The following GNL3L variants were observed in gnomAD, a reference collection of about 807,000 sequenced individuals.
GNL3L encodes guanine nucleotide-binding protein-like 3-like protein.
Under a neutral mutation model 42.9 loss-of-function variants are expected in GNL3L, and 4 were observed. The observed-to-expected ratio is 0.09, with a 90% CI of 0.05 to 0.21. The LOEUF (loss-of-function observed/expected upper bound fraction) is 0.21, where lower values mean the gene tolerates loss of function less well. Among genes scored for constraint, GNL3L ranks in the 10% least tolerant of loss-of-function variants. The pLI, the probability that GNL3L is intolerant of heterozygous loss-of-function variation, is 1.00. For missense variants in GNL3L, 412 were observed against 481.7 expected (o/e 0.86, Z 1.36); for synonymous variants, 159 against 176.3 (o/e 0.90, Z 0.78).
chrX:54,606,998 T>TTCCTTTCTTTCTTTC (rs1569542564), intron 16 of GNL3L, among the ~76,000 whole-genome samples: 24 of 16,603 alleles, frequency 1.4e-3, no homozygotes, highest in East Asian at 4.2e-3. Flanking sequence ...TTCCTTTCCT[T>TTCCTTTCTTTCTTTC]TCTTTCTTTC....
At chrX:54,535,325 G>A (rs1188584177) in intron 2 of GNL3L, among the ~76,000 whole-genome samples, 1 of 110,889 alleles carries the variant, frequency 9.0e-6, no homozygotes, top group Admixed American at 9.7e-5. Context: ...CACCATGTTG[G>A]CCAGGCTGGT....
At position 54,566,324 on chromosome X, in the gene GNL3L, A is replaced by C. The variant is rs997954813; in HGVS notation, c.*5722A>C. ...CACACATATGTACCACATTTTCTTT[A>C]TCCAGTCTTTCGTTGATAGACATTT... On this transcript the variant is annotated 3_prime_UTR_variant, in exon 16 of 16. Coordinates refer to ENST00000360845, the MANE Select transcript of GNL3L (RefSeq NM_001184819.2). Among the ~76,000 whole-genome samples the C allele has an allele frequency of 2.7e-5, 3 of 111,756 alleles. No homozygotes were observed. Among genetic ancestry groups the C allele is most frequent in the African/African-American group, 9.8e-5 (3 of 30,698 alleles).
At position 54,541,258 on chromosome X, in the gene GNL3L, G is replaced by A; in HGVS notation, c.190-15G>A. On this transcript the variant is annotated splice_polypyrimidine_tract_variant and intron_variant, in intron 4 of 15. Transcript: ENST00000360845. ...ACCCAGTCAGCTCCAGTACCAGTGT[G>A]TGTTCACTTGTTAGGTTGAGGAGAT... 8.9e-7 allele frequency: 1 copy of A among 1,123,637 alleles called. No individual in the cohort carries two copies. Among genetic ancestry groups the A allele is most frequent in the Non-Finnish European group, 1.2e-6 (1 of 815,881 alleles). 92.6% of individuals were successfully genotyped at this position (1,123,637 alleles called of 1,213,427 possible). A position where few individuals can be genotyped will look rare whatever the true frequency, so the allele number is the denominator to read the frequency against.
At chrX:54,582,702 C>T (rs184210459) in intron 16 of GNL3L, among the ~76,000 whole-genome samples, 1 of 112,312 alleles carries the variant, frequency 8.9e-6, no homozygotes, top group Admixed American at 9.4e-5. Flanking sequence ...CCTGCCTCAG[C>T]TTCCCGAGTA....
chrX:54,615,352 A>T (rs1419534187), intron 16 of GNL3L, among the ~76,000 whole-genome samples: 1 of 111,769 alleles, frequency 8.9e-6, no homozygotes, highest in Non-Finnish European at 1.9e-5. Flanking sequence ...TCCACCTTTT[A>T]GCTATTGTGA....
At chrX:54,571,749 G>A (rs1289694618), downstream of GNL3L, among the ~76,000 whole-genome samples, 1 of 108,952 alleles carries the variant, frequency 9.2e-6, no homozygotes, top group African/African-American at 3.3e-5. Flanking sequence ...TTTCTTTTAT[G>A]TTTTTCTGCT....
chrX:54,626,865 AT>A, the GNL3L span, among the ~76,000 whole-genome samples: 1 of 109,654 alleles, frequency 9.1e-6, no homozygotes. Context: ...GGATTATTTG[AT>A]TTTTTTTGCT....
At chrX:54,558,029 G>A (rs1376159720) in intron 14 of GNL3L, among the ~76,000 whole-genome samples, 1 of 110,614 alleles carries the variant, frequency 9.0e-6, no homozygotes, top group Non-Finnish European at 1.9e-5. Flanking sequence ...GACTACAGGC[G>A]TGTGCCACCA....
rs1925455910 is a variant in GNL3L, at chrX:54,567,196, G to T, written c.*6594G>T. Reference sequence around the variant, plus strand: ...GCTAAAACTTTGCTAAAGTCACTTAGTTCTAGTAGCTTTTTTTGCAGATTT... The same window carrying T: ...GCTAAAACTTTGCTAAAGTCACTTATTTCTAGTAGCTTTTTTTGCAGATTT... On this transcript the variant is annotated 3_prime_UTR_variant, in exon 16 of 16. Transcript: ENST00000360845. 8.9e-6 allele frequency among the ~76,000 whole-genome samples: 1 copy of T among 112,018 alleles called. No homozygotes were observed. Among genetic ancestry groups the T allele is most frequent in the Non-Finnish European group, 1.9e-5 (1 of 53,228 alleles).
the GNL3L span, among the ~76,000 whole-genome samples, chrX:54,634,539 CG>C: frequency 9.1e-6 from 1 of 110,337 alleles, no homozygotes; most frequent in Non-Finnish European, 1.9e-5. Flanking sequence ...AGCGCAGTGG[CG>C]TGATCTCGGC....
chrX:54,606,995 CCTTTCTTTCTTTCTTTCTTTCTTTCTTT>C (rs56807107), intron 16 of GNL3L, among the ~76,000 whole-genome samples: 11 of 28,045 alleles, frequency 3.9e-4, no homozygotes, highest in African/African-American at 6.5e-4. Flanking sequence ...CCTTTCCTTT[CCTTTCTTTCTTTCTTTCTTTCTTTCTTT>C]CTTTCTTTCT....
Position 54,552,273 on chromosome X carries a change from C to T in GNL3L, c.1182-19C>T, listed in dbSNP as rs1924967176. The T allele has an allele frequency of 1.7e-6, 2 of 1,202,460 alleles. No homozygotes were observed. The highest frequency in any genetic ancestry group is 2.3e-6 in the Non-Finnish European group (2 of 888,212). Reference sequence around the variant, plus strand: ...CTCTCAGTGACAGCACCACTCATCTCCCCTATCTCCCAATGCAGCGGGAAG... The same window carrying T: ...CTCTCAGTGACAGCACCACTCATCTTCCCTATCTCCCAATGCAGCGGGAAG... On this transcript the variant is annotated intron_variant, in intron 12 of 15. Coordinates refer to ENST00000360845, the MANE Select transcript of GNL3L (RefSeq NM_001184819.2).
At chrX:54,536,493 G>A (rs1011885330) in intron 2 of GNL3L, among the ~76,000 whole-genome samples, 10 of 110,645 alleles carry the variant, frequency 9.0e-5, no homozygotes, top group Non-Finnish European at 1.9e-4. Context: ...TTATCCAAAA[G>A]GAAACACAGG....
intron 15 of GNL3L, among the ~76,000 whole-genome samples, chrX:54,559,156 G>A (rs781755963): frequency 1.1e-3 from 124 of 111,695 alleles, no homozygotes; most frequent in African/African-American, 3.9e-3. Flanking sequence ...TAATTGAGTA[G>A]GTCTTCTGTG....
chrX:54,535,996 T>G (rs1199788629), intron 2 of GNL3L, among the ~76,000 whole-genome samples: 3 of 109,735 alleles, frequency 2.7e-5, no homozygotes, highest in Non-Finnish European at 5.7e-5. Context: ...GGTGCGATCT[T>G]GGCTCACTGC....
intron 2 of GNL3L, among the ~76,000 whole-genome samples, chrX:54,538,447 G>C (rs1418686084): frequency 5.4e-5 from 6 of 112,035 alleles, no homozygotes; most frequent in South Asian, 3.7e-4. Context: ...GTTGAGAGAT[G>C]GGACTTCTTA....
chrX:54,543,935 T>C (rs1924696983), intron 7 of GNL3L: 2 of 256,719 alleles, frequency 7.8e-6, no homozygotes, highest in Admixed American at 1.2e-4. Flanking sequence ...GGGGGGTCTC[T>C]GATGCTCCTG....
intron 8 of GNL3L, among the ~76,000 whole-genome samples, chrX:54,546,659 T>A (rs1249186700): frequency 8.9e-6 from 1 of 111,857 alleles, no homozygotes; most frequent in African/African-American, 3.3e-5. Context: ...ATTTAAATTT[T>A]TGTTGAGATG....
rs1216642981 is a variant in GNL3L, at chrX:54,563,053, G to A, written c.*2451G>A. On this transcript the variant is annotated 3_prime_UTR_variant, in exon 16 of 16. Transcript: ENST00000360845. ...TAGTTTCTTAAACTACTAGTTTTTA[G>A]TGTCTTGCTAAAACTATGTGCTCTT... Among the ~76,000 whole-genome samples, 2 of 111,583 alleles carry A rather than the reference G, an allele frequency of 1.8e-5. No homozygotes were observed. Among genetic ancestry groups the A allele is most frequent in the Non-Finnish European group, 3.8e-5 (2 of 53,211 alleles).
Sources: gnomAD v4.1 joint callset for allele counts (sites outside exome capture counted in the v4.1 genomes callset) on GRCh38, gnomAD v4.1.1 for gene constraint, MANE v1.5 for transcripts, NCBI Gene and HGNC (gene_info 2026-07-23, HGNC 2026-07-21) for gene names.